FADS2: variants seen among roughly 807,000 people sequenced by gnomAD.
The protein encoded by FADS2 is fatty acid desaturase 2, also known as acyl-CoA 6-desaturase.
Under a neutral mutation model 61.2 loss-of-function variants are expected in FADS2, and 18 were observed. The ratio of observed to expected loss-of-function variants is 0.29; its 90% CI spans 0.20 to 0.44. The LOEUF (loss-of-function observed/expected upper bound fraction) is 0.44. Among genes scored for constraint, FADS2 ranks in the 20% least tolerant of loss-of-function variants. The pLI is 1.00. For synonymous variants in FADS2, 203 were observed against 223.9 expected, an observed-to-expected ratio of 0.91 and a Z score of 0.83; for missense variants, 322 against 572.7, an observed-to-expected ratio of 0.56 and a Z score of 4.47.
In FADS2 at chr11:61,866,873, A is replaced by T. The variant is rs2067475796; in HGVS notation, c.*1184A>T. ...CCTTGCCTCGGTGGCCCTGACTGTC[A>T]GGGAGGGCCAGGGAGGCAGAGCGGG... On this transcript the variant is annotated 3_prime_UTR_variant, in exon 12 of 12. Coordinates refer to ENST00000278840, the MANE Select transcript of FADS2 (RefSeq NM_004265.4). 6.6e-6 allele frequency: 1 copy of T among 152,464 alleles called. No individual in the cohort carries two copies. Among genetic ancestry groups the T allele is most frequent in the Admixed American group, 6.6e-5 (1 of 15,260 alleles). The allele number at this position is 152,464 out of a possible 1,614,324, so 9.4% of individuals were successfully genotyped here.
chr11:61,828,171 C>A, upstream of FADS2: 1 of 1,411,426 alleles, frequency 7.1e-7, no homozygotes, highest in Non-Finnish European at 9.2e-7. The surrounding 1 kb of genome is among the most constrained non-coding windows in gnomAD (Gnocchi z 6.4). Flanking sequence ...CGCTTGGGGG[C>A]ACTGGGAAGC....
intron 4 of FADS2, 67 bp from the exon 5 acceptor site, chr11:61,848,092 C>T (rs2067275349): frequency 6.2e-7 from 1 of 1,606,554 alleles, no homozygotes; most frequent in Admixed American, 1.7e-5. Context: ...CTAAGAAGGG[C>T]CTGTTACAAG....
At chr11:61,839,838 G>A (rs550900460) in intron 2 of FADS2, among the ~76,000 whole-genome samples, 9 of 152,298 alleles carry the variant, frequency 5.9e-5, no homozygotes, top group Middle Eastern at 6.8e-3. Flanking sequence ...AGGACCTCCT[G>A]TATATGGAAT....
At chr11:61,847,392 C>G (rs948789390) in intron 4 of FADS2, 1 of 152,152 alleles carries the variant, frequency 6.6e-6, no homozygotes, top group Admixed American at 6.5e-5. Flanking sequence ...CCTCCCCTAC[C>G]CCAATCCTAG....
intron 4 of FADS2, among the ~76,000 whole-genome samples, chr11:61,845,324 G>A (rs1376881057): frequency 2.0e-5 from 3 of 152,130 alleles, no homozygotes; most frequent in African/African-American, 4.8e-5. Flanking sequence ...GAGGACAAGG[G>A]CTTTGTCTCT....
At chr11:61,857,376 C>A in intron 6 of FADS2, 78 bp from the exon 7 acceptor site, 1 of 1,333,474 alleles carries the variant, frequency 7.5e-7, no homozygotes, top group Non-Finnish European at 1.1e-6. Context: ...GCACTCAGTG[C>A]TGGGCCTGGG....
chr11:61,820,185 A>G (rs931534716), intron 1 of FADS2, among the ~76,000 whole-genome samples: 2 of 151,924 alleles, frequency 1.3e-5, no homozygotes, highest in African/African-American at 2.4e-5. Flanking sequence ...TTGTAAGATA[A>G]TTCCTTGATC....
chr11:61,816,337 TCCATCCCCACTCC>T lies in FADS2; in HGVS notation c.56_68del (p.Ile19ArgfsTer42). The T allele has an allele frequency of 5.6e-6, 9 of 1,598,368 alleles. No individual in the cohort carries two copies. The highest frequency in any genetic ancestry group is 7.6e-6 in the Non-Finnish European group (9 of 1,179,794). ...TGTTTGTGTGTGCGTGTTGTTGGCC[TCCATCCCCACTCC>T]CCAGACTCCACTTCTCCAGGCCTCT... On this transcript the variant is annotated frameshift_variant, in exon 1 of 12. Coordinates refer to the FADS2 transcript ENST00000257261. LOFTEE classifies it high-confidence loss of function. The surrounding 1 kb of genome is among the most constrained non-coding windows in gnomAD (Gnocchi z 7.0).
chr11:61,849,114 C>T (rs971474308), intron 5 of FADS2, among the ~76,000 whole-genome samples: 8 of 152,148 alleles, frequency 5.3e-5, no homozygotes, highest in Admixed American at 1.3e-4. Flanking sequence ...CCAGGCTGGT[C>T]TCAAACTCCT....
At position 61,816,346 on chromosome 11, in the gene FADS2, ACTC is replaced by A; in HGVS notation, c.63_65del (p.Pro22del). On this transcript the variant is annotated inframe_deletion, in exon 1 of 12. Transcript: ENST00000257261. The surrounding 1 kb of genome is among the most constrained non-coding windows in gnomAD (Gnocchi z 7.0). ...GTGCGTGTTGTTGGCCTCCATCCCC[ACTC>A]CCCAGACTCCACTTCTCCAGGCCTC... The A allele has an allele frequency of 6.3e-7, 1 of 1,596,226 alleles. No homozygotes were observed. Among genetic ancestry groups the A allele is most frequent in the Non-Finnish European group, 8.5e-7 (1 of 1,179,260 alleles).
chr11:61,853,286 CCCTCCCTT>C (rs1555077186), intron 5 of FADS2, among the ~76,000 whole-genome samples: 5 of 55,692 alleles, frequency 9.0e-5, no homozygotes, highest in Non-Finnish European at 1.3e-4. Flanking sequence ...TTCCCTCCCT[CCCTCCCTT>C]CCTTCCTTCC....
intron 5 of FADS2, among the ~76,000 whole-genome samples, chr11:61,851,486 C>T (rs898240762): frequency 3.9e-5 from 6 of 152,232 alleles, no homozygotes; most frequent in Admixed American, 2.0e-4. Flanking sequence ...CGCTCTCACA[C>T]TCATGGGGAA....
chr11:61,853,288 C>CT lies in FADS2; in HGVS notation c.745-3722dup, dbSNP rs1202455010. 2.1e-3 allele frequency among the ~76,000 whole-genome samples: 229 copies of CT among 108,792 alleles called. 1 individual carries two copies. Among genetic ancestry groups the CT allele is most frequent in the Non-Finnish European group, 2.5e-3 (132 of 52,202 alleles). The allele number at this position is 108,792 out of a possible 152,430, so 71.4% of individuals were successfully genotyped here. A position where few individuals can be genotyped will look rare whatever the true frequency, so the allele number is the denominator to read the frequency against. ...CTCCCTCCCTCCCTTCCCTCCCTCC[C>CT]TCCCTTCCTTCCTTCCTTCCTTCCT... On this transcript the variant is annotated intron_variant, in intron 5 of 11. Coordinates refer to ENST00000278840, the MANE Select transcript of FADS2 (RefSeq NM_004265.4).
upstream of FADS2, among the ~76,000 whole-genome samples, chr11:61,823,766 C>T (rs1486882801): frequency 1.3e-5 from 2 of 152,218 alleles, no homozygotes; most frequent in Non-Finnish European, 2.9e-5. Context: ...ATCCTCCCAC[C>T]TTGGCCTCCC....
upstream of FADS2, chr11:61,826,146 C>G: frequency 1.4e-6 from 1 of 702,628 alleles, no homozygotes; most frequent in Non-Finnish European, 2.6e-6. Flanking sequence ...TGGTAAAGTC[C>G]TCCCTTCCTA....
chr11:61,857,639 C>T, intron 7 of FADS2, 109 bp downstream of exon 7: 1 of 881,770 alleles, frequency 1.1e-6, no homozygotes, highest in Non-Finnish European at 1.9e-6. Context: ...CCTGTGGGGC[C>T]CCAGGCATCT....
Position 61,828,613 on chromosome 11 carries a change from C to T in FADS2, c.207+16C>T. ...AGATGCAACGGTAAGGGTCTGGGGG[C>T]GCCCCAGCCACCCTTCTCTGCTGCA... is the stretch of plus-strand genomic sequence containing the variant. On this transcript the variant is annotated intron_variant, in intron 1 of 11. Transcript: ENST00000278840. This position sits in a 1 kb window ranked among gnomAD's most constrained non-coding sequence, Gnocchi z 6.4. 1.2e-6 allele frequency: 2 copies of T among 1,602,796 alleles called. No homozygotes were observed. The highest frequency in any genetic ancestry group is 1.3e-5 in the African/African-American group (1 of 74,836).
intron 7 of FADS2, among the ~76,000 whole-genome samples, chr11:61,861,352 T>TAAAAAAAA (rs2067412832): frequency 3.4e-4 from 1 of 2,910 alleles, no homozygotes; most frequent in Non-Finnish European, 8.8e-4. Flanking sequence ...AGACTCCCTC[T>TAAAAAAAA]CAAAAAAAAA....
upstream of FADS2, chr11:61,828,245 G>A (rs1008846237): frequency 1.4e-6 from 2 of 1,437,300 alleles, no homozygotes; most frequent in African/African-American, 1.4e-5. The surrounding 1 kb of genome is among the most constrained non-coding windows in gnomAD (Gnocchi z 6.4). Context: ...TGGGGGAGGG[G>A]GCGCGGTGGG....
Sources: allele counts gnomAD v4.1 joint callset (sites outside exome capture counted in the v4.1 genomes callset), GRCh38; gene constraint gnomAD v4.1.1; non-coding constraint Gnocchi (gnomAD v3.1); transcripts MANE v1.5; gene names NCBI Gene and HGNC (gene_info 2026-07-23, HGNC 2026-07-21).